NLRP13: variants seen among roughly 807,000 people sequenced by gnomAD.
NLRP13 encodes NLR family pyrin domain containing 13, also known as NACHT, LRR and PYD domains-containing protein 13.
In NLRP13, 82 loss-of-function variants were observed where a neutral mutation model predicts 94.4. That is an observed-to-expected ratio of 0.87 (90% CI 0.73 to 1.04). The LOEUF (loss-of-function observed/expected upper bound fraction) is 1.04. NLRP13 is among the 50% of genes least tolerant of loss of function. The probability of loss-of-function intolerance (pLI) is 0.00; values close to 1 mark genes in which losing one functional copy is unlikely to be tolerated. For synonymous variants in NLRP13, 553 were observed against 464.7 expected, an observed-to-expected ratio of 1.19 and a Z score of -2.45; for missense variants, 1,426 against 1,230.8, an observed-to-expected ratio of 1.16 and a Z score of -2.37.
intron 7 of NLRP13, among the ~76,000 whole-genome samples, chr19:55,906,064 G>A (rs955899758): frequency 7.9e-5 from 12 of 152,150 alleles, no homozygotes; most frequent in African/African-American, 2.4e-4. Flanking sequence ...GAGGCCAGGC[G>A]TGGTGGCTCA....
At chr19:55,921,500 A>G (rs959319524) in intron 4 of NLRP13, among the ~76,000 whole-genome samples, 4 of 152,196 alleles carry the variant, frequency 2.6e-5, no homozygotes, top group Admixed American at 2.6e-4. Flanking sequence ...ACATTTATCA[A>G]AGTATTGCTT....
chr19:55,891,868 G>A (rs1356637923), downstream of NLRP13: 2 of 389,088 alleles, frequency 5.1e-6, no homozygotes, highest in Admixed American at 8.9e-5. Flanking sequence ...CAACAACCGT[G>A]ACAAAGCCTC....
chr19:55,912,470 A>G lies in NLRP13; in HGVS notation c.1347T>C (p.Thr449=). 1 of 1,614,204 alleles carries G rather than the reference A, an allele frequency of 6.2e-7. No homozygotes were observed. The highest frequency in any genetic ancestry group is 8.5e-7 in the Non-Finnish European group (1 of 1,180,030). ...KVRYYDLQSI[T]QTTTSLYAYF... is the part of the protein sequence containing the mutation. The stretch of plus-strand genomic sequence containing the variant: ...AGGCATACAGACTGGTGGTAGTCTG[A>G]GTGATTGACTGGAGATCGTAATACC... The change falls in exon 5 of 11, where the codon ACT becomes ACC. Residue 449 remains threonine (T), a synonymous_variant. Coordinates refer to ENST00000342929, the MANE Select transcript of NLRP13 (RefSeq NM_176810.2).
Position 55,912,101 on chromosome 19 carries a change from G to A in NLRP13, c.1716C>T (p.His572=), listed in dbSNP as rs1435794055. ...KPQEMKMLLQ[H]VLLDKEAYWT... is the part of the protein sequence containing the mutation. ...AGTAGGCTTCTTTGTCAAGCAAGAC[G>A]TGTTGCAGTAACATCTTCATCTCTT... is the stretch of plus-strand genomic sequence containing the variant. Residue 572 remains histidine, a synonymous_variant, in exon 5 of 11, where the codon CAC becomes CAT. Coordinates refer to ENST00000342929, the MANE Select transcript of NLRP13 (RefSeq NM_176810.2). The A allele has an allele frequency of 1.5e-5, 24 of 1,614,068 alleles. No homozygotes were observed. The highest frequency in any genetic ancestry group is 5.3e-5 in the African/African-American group (4 of 74,918).
At chr19:55,900,046 A>T (rs1600258998) in intron 9 of NLRP13, among the ~76,000 whole-genome samples, 1 of 152,234 alleles carries the variant, frequency 6.6e-6, no homozygotes, top group East Asian at 1.9e-4. Context: ...ATAAATTTCA[A>T]ATATTGTCAC....
In NLRP13 at chr19:55,912,471, G is replaced by A. The variant is rs778120366; in HGVS notation, c.1346C>T (p.Thr449Ile). 3.1e-6 allele frequency: 5 copies of A among 1,614,198 alleles called. No individual in the cohort carries two copies. The East Asian group carries it at 6.7e-5, about 22-fold the overall frequency. The change falls in exon 5 of 11, where the codon ACT (threonine) becomes ATT (isoleucine). Residue 449 changes from threonine to isoleucine, a missense_variant. Physicochemically the swap from Thr to Ile is moderately conservative, Grantham distance 89. Transcript: ENST00000342929. ...KVRYYDLQSI[T>I]QTTTSLYAYF... ...GGCATACAGACTGGTGGTAGTCTGA[G>A]TGATTGACTGGAGATCGTAATACCT...
At chr19:55,924,730 C>T in intron 2 of NLRP13, 72 bp from the exon 3 acceptor site, 2 of 1,311,750 alleles carry the variant, frequency 1.5e-6, no homozygotes, top group Non-Finnish European at 1.1e-6. Context: ...ATGGAAGCCC[C>T]CAGTAGAACC....
chr19:55,917,490 T>C (rs1986701638), intron 4 of NLRP13, among the ~76,000 whole-genome samples: 1 of 151,942 alleles, frequency 6.6e-6, no homozygotes, highest in African/African-American at 2.4e-5. Flanking sequence ...ATTGGAGGAA[T>C]AGATTTTAAA....
chr19:55,911,508 T>A (rs1314413443), intron 5 of NLRP13, among the ~76,000 whole-genome samples, 198 bp downstream of exon 5: 2 of 152,254 alleles, frequency 1.3e-5, no homozygotes, highest in East Asian at 3.8e-4. Flanking sequence ...GTCTTTAAGT[T>A]GATCAATTAG....
In NLRP13 at chr19:55,905,102, A is replaced by C; in HGVS notation, c.2458T>G (p.Cys820Gly). ...CNLKYLCLEK[C>G]NLSAASCQDL... is the part of the protein sequence containing the mutation. ...TGACAGCTGGCTGCCGACAAGTTGCATTTCTCCAGGCTGTGGAAGGTGCAG... is the reference window on the plus strand; with the variant it reads ...TGACAGCTGGCTGCCGACAAGTTGCCTTTCTCCAGGCTGTGGAAGGTGCAG... Residue 820 changes from cysteine to glycine, a missense_variant, in exon 8 of 11, where the codon TGC becomes GGC. By Grantham distance (159) the Cys-to-Gly change is radical. Transcript: ENST00000342929. 1 of 1,613,700 alleles carries C rather than the reference A, an allele frequency of 6.2e-7. No homozygotes were observed. The highest frequency in any genetic ancestry group is 1.1e-5 in the South Asian group (1 of 91,046).
At position 55,912,308 on chromosome 19, in the gene NLRP13, A is replaced by T. The variant is rs150065454; in HGVS notation, c.1509T>A (p.Thr503=). 3.1e-6 allele frequency: 5 copies of T among 1,613,784 alleles called. No homozygotes were observed. Among genetic ancestry groups the T allele is most frequent in the Non-Finnish European group, 4.2e-6 (5 of 1,179,756 alleles). Residue 503 remains threonine, a synonymous_variant, in exon 5 of 11, where the codon ACT becomes ACA. Coordinates refer to ENST00000342929, the MANE Select transcript of NLRP13 (RefSeq NM_176810.2). ...AAGGCACTTCCAGGCCCTCGATCTC[A>T]GTGTCTTCTTTGTTAAACGTGAAGT... ...SMNFTFNKED[T]EIEGLEVPFI...
intron 5 of NLRP13, among the ~76,000 whole-genome samples, 180 bp from the exon 6 acceptor site, chr19:55,910,913 G>A (rs962125938): frequency 3.9e-5 from 6 of 152,168 alleles, no homozygotes; most frequent in African/African-American, 1.4e-4. Context: ...GGGAGTTTGA[G>A]ACCACCATGG....
intron 1 of NLRP13, among the ~76,000 whole-genome samples, chr19:55,928,758 G>A (rs556374962): frequency 4.6e-5 from 7 of 152,112 alleles, no homozygotes; most frequent in Admixed American, 1.3e-4. Flanking sequence ...AACACCAAAA[G>A]CATGGCAACA....
rs908899358 is a variant in NLRP13 at position 55,905,015 on chromosome 19, G to A, written c.2545C>T (p.Arg849Trp). 2.7e-5 allele frequency: 44 copies of A among 1,613,740 alleles called. No individual in the cohort carries two copies. Among genetic ancestry groups the A allele is most frequent in the Non-Finnish European group, 3.1e-5 (36 of 1,179,968 alleles). Residue 849 changes from arginine (R) to tryptophan (W), a missense_variant, in exon 8 of 11, where the codon CGG (arginine) becomes TGG (tryptophan). Coordinates refer to ENST00000342929, the MANE Select transcript of NLRP13 (RefSeq NM_176810.2). ...AGCTTTATGCCATCATCTTGGAGCC[G>A]ATTAAATCCCAGGCACAATCGAGTT... ...HVTRLCLGFN[R>W]LQDDGIKLLC...
At chr19:55,922,227 G>C (rs933846394) in intron 4 of NLRP13, among the ~76,000 whole-genome samples, 1 of 152,076 alleles carries the variant, frequency 6.6e-6, no homozygotes, top group African/African-American at 2.4e-5. Context: ...GGGAATTATG[G>C]GAGCTACAAT....
intron 6 of NLRP13, 50 bp downstream of exon 6, chr19:55,910,513 G>C: frequency 2.0e-6 from 3 of 1,472,054 alleles, no homozygotes; most frequent in Non-Finnish European, 2.7e-6. Flanking sequence ...GAGAGAAGTT[G>C]GGAGATTCTC....
downstream of NLRP13, among the ~76,000 whole-genome samples, chr19:55,894,043 C>CTTTTTT (rs36039690): frequency 4.3e-4 from 48 of 112,904 alleles, no homozygotes; most frequent in African/African-American, 1.6e-3. Context: ...CATGCCCCAA[C>CTTTTTT]TTTTTTTTTT....
At chr19:55,898,713 T>TC (rs1209210900) in intron 10 of NLRP13, 57 bp downstream of exon 10, 28 of 1,499,086 alleles carry the variant, frequency 1.9e-5, no homozygotes, top group Non-Finnish European at 2.5e-5. Flanking sequence ...CGATCATATC[T>TC]CCCCACCCGC....
At chr19:55,924,805 G>C in intron 2 of NLRP13, 147 bp from the exon 3 acceptor site, 1 of 852,794 alleles carries the variant, frequency 1.2e-6, no homozygotes, top group Non-Finnish European at 1.9e-6. Context: ...TTTACAGTAA[G>C]TTATCATTTA....
Sources: allele counts gnomAD v4.1 joint callset (sites outside exome capture counted in the v4.1 genomes callset), GRCh38; gene constraint gnomAD v4.1.1; transcripts MANE v1.5; gene names NCBI Gene and HGNC (gene_info 2026-07-23, HGNC 2026-07-21).